The following MACROD2 variants were observed in gnomAD, a reference collection of about 807,000 sequenced individuals.
MACROD2 encodes mono-ADP ribosylhydrolase 2, also known as ADP-ribose glycohydrolase MACROD2.
Under a neutral mutation model 70.4 loss-of-function variants are expected in MACROD2, and 36 were observed. The observed-to-expected ratio is 0.51, with a 90% CI of 0.39 to 0.68. The LOEUF (loss-of-function observed/expected upper bound fraction) is 0.68, where lower values mean the gene tolerates loss of function less well. MACROD2 is among the 30% of genes least tolerant of loss of function. The pLI is 0.00. For synonymous variants in MACROD2, 172 were observed against 178.8 expected, an observed-to-expected ratio of 0.96 and a Z score of 0.30; for missense variants, 496 against 538.4, an observed-to-expected ratio of 0.92 and a Z score of 0.78.
At chr20:15,461,006 A>ATATATATATTTTTTTTTTT in intron 7 of MACROD2, among the ~76,000 whole-genome samples, 6 of 66,978 alleles carry the variant, frequency 9.0e-5, no homozygotes, top group Non-Finnish European at 1.6e-4. Flanking sequence ...ATATATATAT[A>ATATATATATTTTTTTTTTT]TTTTTTTTTA....
At chr20:15,642,843 C>T (rs768083401) in intron 8 of MACROD2, among the ~76,000 whole-genome samples, 7 of 152,066 alleles carry the variant, frequency 4.6e-5, no homozygotes, top group Admixed American at 1.3e-4. Context: ...TGTACGTCTC[C>T]TGCCACATGC....
chr20:14,707,490 A>G (rs768554882), intron 5 of MACROD2, among the ~76,000 whole-genome samples: 75 of 152,174 alleles, frequency 4.9e-4, no homozygotes, highest in Middle Eastern at 3.4e-3. Flanking sequence ...CTCTAGAACA[A>G]AATCCATTGC....
chr20:15,327,591 A>G (rs1238979755), intron 6 of MACROD2, among the ~76,000 whole-genome samples: 1 of 152,118 alleles, frequency 6.6e-6, no homozygotes, highest in East Asian at 1.9e-4. Flanking sequence ...CTCACTCACT[A>G]TCATGAGAAC....
At chr20:15,580,334 C>T (rs1345782672) in intron 8 of MACROD2, among the ~76,000 whole-genome samples, 1 of 152,134 alleles carries the variant, frequency 6.6e-6, no homozygotes, top group Non-Finnish European at 1.5e-5. Flanking sequence ...TCCTATCTGC[C>T]TTTAGCATTA....
chr20:14,770,450 A>G (rs1035786202), intron 5 of MACROD2, among the ~76,000 whole-genome samples: 3 of 152,098 alleles, frequency 2.0e-5, no homozygotes, highest in Admixed American at 6.6e-5. Flanking sequence ...ATATAAGTAT[A>G]AAAACTGTGT....
chr20:14,199,430 G>A (rs2081460868), intron 3 of MACROD2, among the ~76,000 whole-genome samples: 1 of 152,188 alleles, frequency 6.6e-6, no homozygotes, highest in South Asian at 2.1e-4. Context: ...TAGCTCCAGA[G>A]AACTAATAAT....
At chr20:14,539,042 T>G (rs1431071157) in intron 4 of MACROD2, among the ~76,000 whole-genome samples, 1 of 152,198 alleles carries the variant, frequency 6.6e-6, no homozygotes, top group African/African-American at 2.4e-5. Context: ...GGCTAACTGC[T>G]GAGTAAGGAA....
chr20:14,287,764 A>G (rs1400607589), intron 3 of MACROD2, among the ~76,000 whole-genome samples: 2 of 152,036 alleles, frequency 1.3e-5, no homozygotes, highest in East Asian at 1.9e-4. Context: ...TTTTGGCAGT[A>G]TTAAGTTTCT....
intron 7 of MACROD2, among the ~76,000 whole-genome samples, chr20:15,490,168 TCCTTTCCTTCC>T (rs2047211028): frequency 7.5e-6 from 1 of 133,958 alleles, no homozygotes; most frequent in Non-Finnish European, 1.6e-5. Context: ...CCTTCCTTCC[TCCTTTCCTTCC>T]TTCCTTCCTT....
intron 6 of MACROD2, among the ~76,000 whole-genome samples, chr20:15,341,335 T>C (rs1394775291): frequency 6.6e-6 from 1 of 152,158 alleles, no homozygotes; most frequent in East Asian, 1.9e-4. Context: ...TAAATAATTT[T>C]AAAATTAATT....
intron 3 of MACROD2, among the ~76,000 whole-genome samples, chr20:14,178,417 TG>T (rs1245591653): frequency 6.6e-6 from 1 of 152,156 alleles, no homozygotes; most frequent in African/African-American, 2.4e-5. Flanking sequence ...TATTCTGTTA[TG>T]AAAAAATAGC....
intron 5 of MACROD2, among the ~76,000 whole-genome samples, chr20:15,138,495 G>T (rs1033040124): frequency 6.6e-6 from 1 of 152,078 alleles, no homozygotes; most frequent in Non-Finnish European, 1.5e-5. Context: ...AATATGCTGC[G>T]TTTCTTGTGC....
intron 5 of MACROD2, among the ~76,000 whole-genome samples, chr20:15,206,423 TA>T (rs1204528903): frequency 6.6e-6 from 1 of 152,146 alleles, no homozygotes; most frequent in African/African-American, 2.4e-5. Flanking sequence ...AGAATTTGAG[TA>T]AAATTTACAG....
intron 2 of MACROD2, among the ~76,000 whole-genome samples, chr20:14,021,915 G>C (rs2053087682): frequency 6.6e-6 from 1 of 152,150 alleles, no homozygotes; most frequent in African/African-American, 2.4e-5. Flanking sequence ...AGAACCTTAG[G>C]GGGAAGGGGA....
intron 3 of MACROD2, among the ~76,000 whole-genome samples, chr20:14,258,686 C>A (rs552650574): frequency 6.6e-6 from 1 of 152,162 alleles, no homozygotes; most frequent in South Asian, 2.1e-4. Context: ...CTAATTGTTT[C>A]TTTTGCTGTG....
chr20:16,006,480 A>G (rs1304651184), intron 15 of MACROD2, among the ~76,000 whole-genome samples: 1 of 152,038 alleles, frequency 6.6e-6, no homozygotes, highest in Non-Finnish European at 1.5e-5. Context: ...GTGATGGTGA[A>G]CCCCCTTGAT....
At chr20:15,981,332 A>G (rs899178395) in intron 13 of MACROD2, among the ~76,000 whole-genome samples, 3 of 152,176 alleles carry the variant, frequency 2.0e-5, no homozygotes, top group Non-Finnish European at 4.4e-5. Flanking sequence ...ATCGTTATAC[A>G]GTTTTTGCTT....
intron 3 of MACROD2, among the ~76,000 whole-genome samples, chr20:14,172,398 G>C (rs2081229995): frequency 7.0e-6 from 1 of 143,134 alleles, no homozygotes; most frequent in Non-Finnish European, 1.5e-5. Flanking sequence ...TCCACCTCCT[G>C]GGTTTAAGCA....
At chr20:14,576,908 G>C (rs1017439251) in intron 4 of MACROD2, among the ~76,000 whole-genome samples, 2 of 152,158 alleles carry the variant, frequency 1.3e-5, no homozygotes, top group South Asian at 4.1e-4. Context: ...CTTTAGTAAA[G>C]TTTGTTACTC....
Sources: gnomAD v4.1 joint callset for allele counts (sites outside exome capture counted in the v4.1 genomes callset) on GRCh38, gnomAD v4.1.1 for gene constraint, MANE v1.5 for transcripts, NCBI Gene and HGNC (gene_info 2026-07-23, HGNC 2026-07-21) for gene names.